Variants in SAMD3 observed in about 807,000 individuals in gnomAD.
SAMD3 encodes the protein sterile alpha motif domain containing 3.
Under a neutral mutation model 58.5 loss-of-function variants are expected in SAMD3, and 63 were observed. The observed-to-expected ratio is 1.08, with a 90% CI of 0.88 to 1.33. SAMD3 has a LOEUF of 1.33. SAMD3 is among the 40% of genes most tolerant of loss of function. The pLI is 0.00. For missense variants in SAMD3, 604 were observed against 608.4 expected (o/e 0.99, Z 0.08); for synonymous variants, 220 against 210.3 (o/e 1.05, Z -0.40).
intron 1 of SAMD3, among the ~76,000 whole-genome samples, chr6:130,325,127 T>C (rs894675158): frequency 1.1e-4 from 17 of 152,086 alleles, no homozygotes; most frequent in African/African-American, 4.1e-4. Flanking sequence ...CTCATTGTAG[T>C]TTTATGTATT....
At chr6:130,192,145 T>A (rs560432957) in intron 5 of SAMD3, among the ~76,000 whole-genome samples, 2 of 152,332 alleles carry the variant, frequency 1.3e-5, no homozygotes, top group South Asian at 4.1e-4. Context: ...TCTGTCTTGA[T>A]TTTCCTACGT....
intron 1 of SAMD3, among the ~76,000 whole-genome samples, chr6:130,317,404 G>A (rs1433976440): frequency 1.3e-5 from 2 of 152,128 alleles, no homozygotes; most frequent in Admixed American, 1.3e-4. Context: ...GAATAGAAAT[G>A]CATGTATTTT....
chr6:130,222,540 TATACTAGAA>T (rs1796263483), intron 1 of SAMD3, among the ~76,000 whole-genome samples, 145 bp downstream of exon 1: 1 of 152,150 alleles, frequency 6.6e-6, no homozygotes, highest in Admixed American at 6.5e-5. Context: ...TGGGAAAGCA[TATACTAGAA>T]GGCAGAAGTG....
chr6:130,326,367 ATT>A (rs537066801), intron 1 of SAMD3, among the ~76,000 whole-genome samples: 21 of 128,768 alleles, frequency 1.6e-4, no homozygotes, highest in African/African-American at 2.6e-4. Context: ...ATGCCTGGTC[ATT>A]TTTTTTTTTT....
chr6:130,230,065 A>G (rs1184236681), intron 2 of SAMD3, among the ~76,000 whole-genome samples: 2 of 152,252 alleles, frequency 1.3e-5, no homozygotes, highest in East Asian at 3.8e-4. Context: ...TATGTAATAC[A>G]ATTTGTGGTG....
At chr6:130,333,736 AT>A (rs1317940704) in intron 1 of SAMD3, among the ~76,000 whole-genome samples, 1 of 152,226 alleles carries the variant, frequency 6.6e-6, no homozygotes, top group African/African-American at 2.4e-5. Flanking sequence ...CTGCATAAAA[AT>A]CAAGGAAATG....
chr6:130,199,295 C>G (rs1479448252), intron 5 of SAMD3, among the ~76,000 whole-genome samples: 1 of 152,170 alleles, frequency 6.6e-6, no homozygotes, highest in Non-Finnish European at 1.5e-5. Flanking sequence ...TTTAATTCCT[C>G]TCTACATCCA....
chr6:130,218,222 G>A (rs1796088110), intron 1 of SAMD3, among the ~76,000 whole-genome samples: 1 of 152,196 alleles, frequency 6.6e-6, no homozygotes, highest in Admixed American at 6.5e-5. Context: ...GCAGAGCGAG[G>A]GTCCTGCTAG....
chr6:130,178,273 C>T (rs1369853704), intron 7 of SAMD3, among the ~76,000 whole-genome samples: 21 of 150,788 alleles, frequency 1.4e-4, no homozygotes, highest in Admixed American at 5.3e-4. Flanking sequence ...ACCACGCGCC[C>T]GGCTGGCCCA....
chr6:130,171,442 C>A (rs1442013899), intron 8 of SAMD3, among the ~76,000 whole-genome samples: 4 of 152,126 alleles, frequency 2.6e-5, no homozygotes, highest in African/African-American at 9.7e-5. Flanking sequence ...CAAAGAACAT[C>A]TTTGTTTCTG....
chr6:130,352,017 A>T (rs1777688031), intron 1 of SAMD3, among the ~76,000 whole-genome samples: 1 of 143,554 alleles, frequency 7.0e-6, no homozygotes, highest in Admixed American at 7.2e-5. Flanking sequence ...GAACAATGAG[A>T]ACACATGGAC....
chr6:130,208,013 G>C (rs950247489), intron 5 of SAMD3, among the ~76,000 whole-genome samples: 1 of 152,228 alleles, frequency 6.6e-6, no homozygotes, highest in Admixed American at 6.5e-5. Flanking sequence ...GCTGAGGGTG[G>C]CTAGGTCCTG....
chr6:130,240,080 A>C (rs554408771), intron 2 of SAMD3, among the ~76,000 whole-genome samples: 4 of 152,254 alleles, frequency 2.6e-5, no homozygotes, highest in Admixed American at 2.0e-4. Flanking sequence ...ATGCAAACCC[A>C]TGCTGCACAT....
chr6:130,269,904 A>C (rs967257885), intron 2 of SAMD3, among the ~76,000 whole-genome samples: 22 of 151,612 alleles, frequency 1.5e-4, no homozygotes, highest in Admixed American at 1.4e-3. Context: ...TCTAATTTCT[A>C]TTGTCATTCC....
intron 1 of SAMD3, among the ~76,000 whole-genome samples, chr6:130,362,130 G>C (rs901959768): frequency 3.9e-5 from 6 of 152,212 alleles, no homozygotes; most frequent in Non-Finnish European, 8.8e-5. Flanking sequence ...TGAAGTGAAG[G>C]CTGATATAAG....
intron 2 of SAMD3, among the ~76,000 whole-genome samples, chr6:130,266,190 A>C (rs137959454): frequency 6.6e-6 from 1 of 152,192 alleles, no homozygotes; most frequent in Non-Finnish European, 1.5e-5. Flanking sequence ...CTGAGCCATT[A>C]TTTCAAACCT....
rs759805078 is a variant in SAMD3, at chr6:130,175,883, A to C, written c.780T>G (p.Leu260=). Residue 260 remains leucine, a synonymous_variant, in exon 8 of 12, where the codon CTT becomes CTG. Transcript: ENST00000439090. ...GHRRGQTRKS[L]ADIRFDEIKL... is the part of the protein sequence containing the mutation. ...TAATTTCATCAAATCTTATATCAGC[A>C]AGAGATTTCCTTGTCTGGCCTCTTC... 3 of 1,613,224 alleles carry C rather than the reference A, an allele frequency of 1.9e-6. No individual in the cohort carries two copies. The highest frequency in any genetic ancestry group is 4.5e-5 in the East Asian group (2 of 44,816).
At chr6:130,160,291 A>T (rs1397654086) in intron 8 of SAMD3, 1 of 152,250 alleles carries the variant, frequency 6.6e-6, no homozygotes, top group African/African-American at 2.4e-5. Flanking sequence ...GATTAAACCA[A>T]CAGGAAAACG....
At chr6:130,174,743 T>G (rs75180678) in intron 8 of SAMD3, among the ~76,000 whole-genome samples, 1,840 of 152,374 alleles carry the variant, frequency 0.012, 16 homozygotes, top group Non-Finnish European at 0.019. Flanking sequence ...TTAGGGCACC[T>G]TTCAGCTGTC....
Sources: allele counts gnomAD v4.1 joint callset (sites outside exome capture counted in the v4.1 genomes callset), GRCh38; gene constraint gnomAD v4.1.1; transcripts MANE v1.5; gene names NCBI Gene and HGNC (gene_info 2026-07-23, HGNC 2026-07-21).